Variants in PLXNA2 observed in about 807,000 individuals in gnomAD.
PLXNA2 encodes the protein plexin-A2.
PLXNA2 carries 91 observed loss-of-function variants against 193.5 expected under a neutral mutation model. That is an observed-to-expected ratio of 0.47 (90% CI 0.40 to 0.56). The LOEUF (loss-of-function observed/expected upper bound fraction) is 0.56, where lower values mean the gene tolerates loss of function less well. Among genes scored for constraint, PLXNA2 ranks in the 20% least tolerant of loss-of-function variants. The probability of loss-of-function intolerance (pLI) is 0.00; values close to 1 mark genes in which losing one functional copy is unlikely to be tolerated. For synonymous variants in PLXNA2, 997 were observed against 1,027.3 expected, an observed-to-expected ratio of 0.97 and a Z score of 0.56; for missense variants, 1,995 against 2,503.2, an observed-to-expected ratio of 0.80 and a Z score of 4.33.
chr1:208,084,770 C>T (rs187239388), intron 9 of PLXNA2, among the ~76,000 whole-genome samples, 190 bp from the exon 10 acceptor site: 71 of 152,360 alleles, frequency 4.7e-4, no homozygotes, highest in African/African-American at 1.7e-3. Flanking sequence ...TCATCCCCGT[C>T]CCACAAGTTG....
chr1:208,194,460 C>CAAAAAAAAAAAAAAAAAAAAAAAAAA (rs10522096), intron 3 of PLXNA2, among the ~76,000 whole-genome samples: 1 of 93,986 alleles, frequency 1.1e-5, no homozygotes. Flanking sequence ...CAGCTTACTG[C>CAAAAAAAAAAAAAAAAAAAAAAAAAA]AAAAAAAAAA....
chr1:208,104,296 G>C (rs1330059824), intron 4 of PLXNA2, among the ~76,000 whole-genome samples: 1 of 152,202 alleles, frequency 6.6e-6, no homozygotes, highest in African/African-American at 2.4e-5. Context: ...GTTCAGGATG[G>C]ATCCTAACAC....
intron 29 of PLXNA2, chr1:208,030,730 C>G (rs1273331029): frequency 9.1e-6 from 9 of 985,360 alleles, no homozygotes; most frequent in African/African-American, 1.7e-5. Context: ...TAACTCCAGA[C>G]AGCTGCGTGG....
intron 1 of PLXNA2, among the ~76,000 whole-genome samples, chr1:208,237,037 T>G (rs1671880430): frequency 6.6e-6 from 1 of 152,226 alleles, no homozygotes; most frequent in Non-Finnish European, 1.5e-5. Flanking sequence ...AGTTGAAATC[T>G]TCGTCCTTCT....
Position 208,054,449 on chromosome 1 carries a change from G to T in PLXNA2, c.2828C>A (p.Thr943Lys). 6.2e-7 allele frequency: 1 copy of T among 1,614,106 alleles called. No individual in the cohort carries two copies. Among genetic ancestry groups the T allele is most frequent in the Non-Finnish European group, 8.5e-7 (1 of 1,179,922 alleles). Residue 943 changes from threonine (T) to lysine (K), a missense_variant, in exon 14 of 32, where the codon ACG (threonine) becomes AAG (lysine). Coordinates refer to ENST00000367033, the MANE Select transcript of PLXNA2 (RefSeq NM_025179.4). ...GAAGGTGTACTGCTGATGGGACTTC[G>T]TCATGAACTCTGGCTTACACTCGCC... ...CIGECKPEFMTKSHQQYTFVN... is the reference protein window; with the variant it reads ...CIGECKPEFMKKSHQQYTFVN...
chr1:208,139,908 G>T (rs894167784), intron 4 of PLXNA2, among the ~76,000 whole-genome samples: 2 of 152,098 alleles, frequency 1.3e-5, no homozygotes, highest in African/African-American at 4.8e-5. Flanking sequence ...CACAATTTAC[G>T]GCTCTCCAGG....
intron 1 of PLXNA2, among the ~76,000 whole-genome samples, chr1:208,234,862 G>A (rs555496684): frequency 6.6e-6 from 1 of 152,244 alleles, no homozygotes; most frequent in Admixed American, 6.5e-5. Context: ...GCAATTGGAG[G>A]GCAGTGAATG....
chr1:208,137,582 G>C (rs1668341673), intron 4 of PLXNA2, among the ~76,000 whole-genome samples: 1 of 152,124 alleles, frequency 6.6e-6, no homozygotes, highest in African/African-American at 2.4e-5. Flanking sequence ...GTGAAGCTGG[G>C]GCAGACTTTC....
At chr1:208,174,902 T>C (rs1001779569) in intron 3 of PLXNA2, among the ~76,000 whole-genome samples, 6 of 152,328 alleles carry the variant, frequency 3.9e-5, no homozygotes, top group African/African-American at 1.4e-4. Flanking sequence ...TCTCCCTCAA[T>C]GCCTCTGGAA....
chr1:208,098,372 T>A (rs1666975728), intron 6 of PLXNA2, among the ~76,000 whole-genome samples: 1 of 152,090 alleles, frequency 6.6e-6, no homozygotes, highest in East Asian at 1.9e-4. Flanking sequence ...CTCTTTAATA[T>A]TCTCTTTAAG....
intron 8 of PLXNA2, among the ~76,000 whole-genome samples, chr1:208,094,414 C>A (rs1471346728): frequency 6.6e-6 from 1 of 152,024 alleles, no homozygotes; most frequent in African/African-American, 2.4e-5. Flanking sequence ...AAAATGGAAT[C>A]TTTGCTGTCA....
intron 9 of PLXNA2, among the ~76,000 whole-genome samples, chr1:208,086,151 C>T (rs529773922): frequency 6.6e-6 from 1 of 152,294 alleles, no homozygotes; most frequent in Non-Finnish European, 1.5e-5. Flanking sequence ...ATTTGCTTTC[C>T]TCACTGGGCT....
chr1:208,118,253 T>A (rs1304142719), intron 4 of PLXNA2, among the ~76,000 whole-genome samples: 1 of 152,212 alleles, frequency 6.6e-6, no homozygotes, highest in Non-Finnish European at 1.5e-5. Context: ...TGGACACCAA[T>A]CCTCAGATGG....
At chr1:208,177,005 A>C (rs1669679953) in intron 3 of PLXNA2, among the ~76,000 whole-genome samples, 1 of 128,754 alleles carries the variant, frequency 7.8e-6, no homozygotes, top group Non-Finnish European at 1.8e-5. Context: ...CCTCTTTCAC[A>C]GCTCAAAACT....
At chr1:208,093,806 T>C (rs1203123525) in intron 8 of PLXNA2, among the ~76,000 whole-genome samples, 2 of 152,198 alleles carry the variant, frequency 1.3e-5, no homozygotes, top group African/African-American at 4.8e-5. Flanking sequence ...TGGCTCTCTG[T>C]GTGTGATCAG....
In PLXNA2 at chr1:208,127,025, T is replaced by C. The variant is rs74520000; in HGVS notation, c.1506+15304A>G. Among the ~76,000 whole-genome samples, 740 of 152,250 alleles carry C rather than the reference T, an allele frequency of 4.9e-3. 11 individuals carry two copies. The highest frequency in any genetic ancestry group is 0.017 in the African/African-American group (717 of 41,536). On this transcript the variant is annotated intron_variant, in intron 4 of 31. Coordinates refer to ENST00000367033, the MANE Select transcript of PLXNA2 (RefSeq NM_025179.4). ...AGGTTAAATCACTCCCTGCAGAAAA[T>C]TGATGCTGACAGCAAGGGCCAAGAA...
intron 3 of PLXNA2, among the ~76,000 whole-genome samples, chr1:208,149,365 G>A (rs1210683907): frequency 6.6e-6 from 1 of 151,976 alleles, no homozygotes; most frequent in Non-Finnish European, 1.5e-5. Flanking sequence ...TGGATGTGGT[G>A]TGTGTATATG....
At chr1:208,175,358 G>T (rs1220476660) in intron 3 of PLXNA2, among the ~76,000 whole-genome samples, 1 of 152,198 alleles carries the variant, frequency 6.6e-6, no homozygotes, top group Non-Finnish European at 1.5e-5. Context: ...ATGGAATACA[G>T]CCAGTCACTG....
intron 1 of PLXNA2, among the ~76,000 whole-genome samples, chr1:208,240,569 A>G (rs1672014185): frequency 6.6e-6 from 1 of 152,166 alleles, no homozygotes; most frequent in Non-Finnish European, 1.5e-5. Context: ...ATATTCACAT[A>G]TAATGAATTG....
Sources: gnomAD v4.1 joint callset for allele counts (sites outside exome capture counted in the v4.1 genomes callset) on GRCh38, gnomAD v4.1.1 for gene constraint, MANE v1.5 for transcripts, NCBI Gene and HGNC (gene_info 2026-07-23, HGNC 2026-07-21) for gene names.